Variants in ATP6V0E1 observed in about 807,000 individuals in gnomAD.
ATP6V0E1 encodes the protein V-type proton ATPase subunit e 1.
Under a neutral mutation model 11.6 loss-of-function variants are expected in ATP6V0E1, and 4 were observed. The observed-to-expected ratio is 0.35, with a 90% CI of 0.17 to 0.79. The LOEUF is 0.79. Ranked by LOEUF, ATP6V0E1 falls within the 30% of genes least tolerant of loss-of-function variation. The probability of loss-of-function intolerance (pLI) is 0.54; values close to 1 mark genes in which losing one functional copy is unlikely to be tolerated. For synonymous variants in ATP6V0E1, 36 were observed against 34.8 expected, an observed-to-expected ratio of 1.04 and a Z score of -0.13; for missense variants, 105 against 100.0, an observed-to-expected ratio of 1.05 and a Z score of -0.21.
Position 173,020,133 on chromosome 5 carries a change from A to G in ATP6V0E1, c.153-105A>G, listed in dbSNP as rs1412438889. On this transcript the variant is annotated intron_variant, in intron 2 of 3. Coordinates refer to ENST00000519374, the MANE Select transcript of ATP6V0E1 (RefSeq NM_003945.4). ...TATATGGAAAGTTTGGTGTGAATGC[A>G]GTAGATTTAAGTTTTGCTAGTGTAC... is the stretch of plus-strand genomic sequence containing the variant. The G allele has an allele frequency of 4.8e-6, 4 of 835,366 alleles. No individual in the cohort carries two copies. In the Admixed American group the frequency reaches 8.4e-5, roughly 18 times the overall value. The allele number at this position is 835,366 out of a possible 1,614,324, so 51.7% of individuals were successfully genotyped here.
In ATP6V0E1 at chr5:172,995,043, C is replaced by T. The variant is rs1337483699; in HGVS notation, c.152+221C>T. Among the ~76,000 whole-genome samples the T allele has an allele frequency of 2.6e-5, 4 of 152,156 alleles. No individual in the cohort carries two copies. The East Asian group carries it at 5.8e-4, about 22-fold the overall frequency. ...TGTTTAATTGGCACAAATGTTAAAG[C>T]TTATAAGTAGCTGGAAATTATGATT... On this transcript the variant is annotated intron_variant, in intron 2 of 3. Coordinates refer to ENST00000519374, the MANE Select transcript of ATP6V0E1 (RefSeq NM_003945.4).
chr5:173,027,501 C>CA (rs376278744), intron 3 of ATP6V0E1, among the ~76,000 whole-genome samples: 114 of 139,260 alleles, frequency 8.2e-4, no homozygotes, highest in Middle Eastern at 3.7e-3. Flanking sequence ...GACTCCGTCT[C>CA]AAAAAAAAAA....
chr5:173,010,850 A>G (rs530703923), intron 2 of ATP6V0E1, among the ~76,000 whole-genome samples: 121 of 152,278 alleles, frequency 7.9e-4, no homozygotes, highest in African/African-American at 2.8e-3. Flanking sequence ...CCCTGTTCTT[A>G]TATCTGAATG....
chr5:172,986,656 T>G (rs1581622647), intron 1 of ATP6V0E1: 2 of 433,392 alleles, frequency 4.6e-6, no homozygotes, highest in East Asian at 7.7e-5. Flanking sequence ...AGTGTCAGAG[T>G]CTGGGGAAGA....
intron 3 of ATP6V0E1, among the ~76,000 whole-genome samples, chr5:173,026,640 T>G (rs1369355776): frequency 6.6e-6 from 1 of 152,224 alleles, no homozygotes; most frequent in Non-Finnish European, 1.5e-5. Context: ...TGCATACTGG[T>G]GTATAGAGAT....
At chr5:173,001,979 A>G (rs1234884889) in intron 2 of ATP6V0E1, among the ~76,000 whole-genome samples, 2 of 152,094 alleles carry the variant, frequency 1.3e-5, no homozygotes, top group African/African-American at 2.4e-5. Flanking sequence ...TGGCCTCCCA[A>G]AGGTTTTCAG....
intron 1 of ATP6V0E1, among the ~76,000 whole-genome samples, chr5:172,992,301 T>G (rs928073082): frequency 1.3e-5 from 2 of 152,202 alleles, no homozygotes; most frequent in Non-Finnish European, 2.9e-5. Context: ...TCTGCCCGCC[T>G]CGGCCTCCCA....
intron 2 of ATP6V0E1, among the ~76,000 whole-genome samples, chr5:173,013,357 C>T (rs1314681965): frequency 2.6e-5 from 4 of 151,734 alleles, no homozygotes; most frequent in Non-Finnish European, 4.4e-5. Context: ...GGGTGAATCA[C>T]GAGGTCAGGA....
chr5:173,013,468 C>T (rs577617428), intron 2 of ATP6V0E1, among the ~76,000 whole-genome samples: 20 of 149,664 alleles, frequency 1.3e-4, no homozygotes, highest in Non-Finnish European at 2.2e-4. Flanking sequence ...CCAGCTACTC[C>T]GGAGGCTGAG....
intron 2 of ATP6V0E1, among the ~76,000 whole-genome samples, chr5:173,001,283 G>C (rs1265640188): frequency 1.3e-5 from 2 of 152,126 alleles, no homozygotes; most frequent in African/African-American, 2.4e-5. Context: ...AAGAGCCAGA[G>C]AGGCCCGATC....
intron 2 of ATP6V0E1, among the ~76,000 whole-genome samples, chr5:173,004,049 A>G (rs1756193986): frequency 6.6e-6 from 1 of 152,176 alleles, no homozygotes. Context: ...GAAACCCAGC[A>G]CTAAGGGAAG....
At chr5:172,991,175 A>G (rs923630618) in intron 1 of ATP6V0E1, among the ~76,000 whole-genome samples, 1 of 152,152 alleles carries the variant, frequency 6.6e-6, no homozygotes, top group African/African-American at 2.4e-5. Flanking sequence ...GAGTAGTACA[A>G]TAAGTGCCAT....
At chr5:173,029,856 A>G (rs9313614) in intron 3 of ATP6V0E1, among the ~76,000 whole-genome samples, 26,860 of 152,046 alleles carry the variant, frequency 0.18, 2,737 homozygotes, top group African/African-American at 0.25. Context: ...CTTGACTGTC[A>G]AGGCCTTCCC....
At chr5:173,017,993 T>G (rs1756429690) in intron 2 of ATP6V0E1, among the ~76,000 whole-genome samples, 1 of 152,082 alleles carries the variant, frequency 6.6e-6, no homozygotes, top group Non-Finnish European at 1.5e-5. Context: ...CCTGCCCTCC[T>G]CCCCACACCA....
chr5:173,032,259 TTATTTA>T (rs1561778674), intron 3 of ATP6V0E1, among the ~76,000 whole-genome samples: 2 of 116,750 alleles, frequency 1.7e-5, no homozygotes, highest in Non-Finnish European at 1.9e-5. Context: ...TTTTATTTAT[TTATTTA>T]TTTATTTATT....
intron 2 of ATP6V0E1, among the ~76,000 whole-genome samples, chr5:173,012,491 G>A (rs535189615): frequency 2.8e-4 from 42 of 152,076 alleles, no homozygotes; most frequent in Non-Finnish European, 4.7e-4. Context: ...GGTGGCTCAC[G>A]CCTTTAATCC....
chr5:173,011,336 C>G (rs1379287605), intron 2 of ATP6V0E1, among the ~76,000 whole-genome samples: 2 of 151,982 alleles, frequency 1.3e-5, no homozygotes, highest in East Asian at 3.9e-4. Context: ...TGCCATCAAG[C>G]CTGGCTAATT....
chr5:172,987,110 A>C (rs1755908706), intron 1 of ATP6V0E1: 1 of 211,796 alleles, frequency 4.7e-6, no homozygotes, highest in East Asian at 1.7e-4. Flanking sequence ...TTAAACAAAA[A>C]GAGGAGCAGA....
chr5:173,009,823 G>A (rs961233036), intron 2 of ATP6V0E1, among the ~76,000 whole-genome samples: 1 of 147,302 alleles, frequency 6.8e-6, no homozygotes, highest in Non-Finnish European at 1.5e-5. Flanking sequence ...GAGTGCAGTG[G>A]CACAATCTGA....
Sources: allele counts gnomAD v4.1 joint callset (sites outside exome capture counted in the v4.1 genomes callset), GRCh38; gene constraint gnomAD v4.1.1; transcripts MANE v1.5; gene names NCBI Gene and HGNC (gene_info 2026-07-23, HGNC 2026-07-21).